CNTNAP2: variants seen among roughly 807,000 people sequenced by gnomAD.
CNTNAP2 encodes contactin-associated protein-like 2.
In CNTNAP2, 98 loss-of-function variants were observed where a neutral mutation model predicts 155.2. The ratio of observed to expected loss-of-function variants is 0.63; its 90% CI spans 0.54 to 0.75. CNTNAP2 has a LOEUF of 0.75. CNTNAP2 is among the 30% of genes least tolerant of loss of function. The pLI, the probability that CNTNAP2 is intolerant of heterozygous loss-of-function variation, is 0.00. For synonymous variants in CNTNAP2, 651 were observed against 631.2 expected (o/e 1.03, Z -0.47); for missense variants, 1,727 against 1,688.1 (o/e 1.02, Z -0.40).
chr7:148,355,293 TG>T (rs1798494382), intron 21 of CNTNAP2, among the ~76,000 whole-genome samples: 1 of 147,170 alleles, frequency 6.8e-6, no homozygotes, highest in African/African-American at 2.5e-5. Flanking sequence ...GCCATTCTCC[TG>T]CCTCAGCCTC....
At chr7:146,443,246 AAAT>A (rs1320024238) in intron 1 of CNTNAP2, among the ~76,000 whole-genome samples, 2 of 150,754 alleles carry the variant, frequency 1.3e-5, no homozygotes, top group Admixed American at 1.3e-4. Flanking sequence ...ATAAATAAAT[AAAT>A]AAATAAATAG....
intron 3 of CNTNAP2, among the ~76,000 whole-genome samples, chr7:146,906,343 G>C (rs1369397681): frequency 1.3e-5 from 2 of 152,056 alleles, no homozygotes; most frequent in African/African-American, 4.8e-5. Flanking sequence ...TCCACCTCTG[G>C]GGGCAGGGCA....
chr7:146,616,145 G>C (rs1799220151), intron 1 of CNTNAP2, among the ~76,000 whole-genome samples: 1 of 152,070 alleles, frequency 6.6e-6, no homozygotes, highest in South Asian at 2.1e-4. Context: ...AATAAGAGGG[G>C]ATGAGAGAGA....
At chr7:146,289,721 A>T (rs1255215995) in intron 1 of CNTNAP2, among the ~76,000 whole-genome samples, 5 of 152,326 alleles carry the variant, frequency 3.3e-5, no homozygotes, top group African/African-American at 1.2e-4. Context: ...AGAAAATTTC[A>T]CACACACAAT....
chr7:146,955,458 A>G (rs1470476218), intron 3 of CNTNAP2, among the ~76,000 whole-genome samples: 1 of 152,020 alleles, frequency 6.6e-6, no homozygotes, highest in Non-Finnish European at 1.5e-5. Context: ...ACTAGAAACA[A>G]AAATCTTTTC....
intron 1 of CNTNAP2, among the ~76,000 whole-genome samples, chr7:146,618,681 C>A (rs1451363638): frequency 6.6e-6 from 1 of 152,096 alleles, no homozygotes; most frequent in Non-Finnish European, 1.5e-5. Context: ...ATATATTTGA[C>A]TTTAATCTTG....
chr7:148,307,093 A>T (rs1310896124), intron 21 of CNTNAP2, among the ~76,000 whole-genome samples: 3 of 152,182 alleles, frequency 2.0e-5, no homozygotes, highest in Non-Finnish European at 2.9e-5. Context: ...CTCACAGCTA[A>T]GAAGGAAGAG....
At chr7:146,225,645 T>C (rs1423915625) in intron 1 of CNTNAP2, among the ~76,000 whole-genome samples, 5 of 152,202 alleles carry the variant, frequency 3.3e-5, no homozygotes, top group Non-Finnish European at 7.3e-5. Flanking sequence ...TGGTTCAGGC[T>C]TTGACGCTGA....
At chr7:146,565,026 A>T (rs1233527282) in intron 1 of CNTNAP2, among the ~76,000 whole-genome samples, 1 of 152,056 alleles carries the variant, frequency 6.6e-6, no homozygotes, top group Non-Finnish European at 1.5e-5. Flanking sequence ...CTCCTACTAT[A>T]ATATTTCAGT....
intron 1 of CNTNAP2, among the ~76,000 whole-genome samples, chr7:146,502,224 A>AATATATATATAT (rs59759183): frequency 8.4e-4 from 80 of 94,772 alleles, no homozygotes; most frequent in East Asian, 1.5e-3. Context: ...TATATATATG[A>AATATATATATAT]ATATATATAT....
At chr7:147,891,378 T>C (rs1334965450) in intron 13 of CNTNAP2, among the ~76,000 whole-genome samples, 2 of 152,124 alleles carry the variant, frequency 1.3e-5, no homozygotes, top group Non-Finnish European at 2.9e-5. Context: ...CTAATTTTTG[T>C]ATTTTTAGTA....
chr7:147,607,780 C>T (rs1455045855), intron 12 of CNTNAP2, among the ~76,000 whole-genome samples: 1 of 152,120 alleles, frequency 6.6e-6, no homozygotes, highest in Non-Finnish European at 1.5e-5. Flanking sequence ...TCAGGTTAGC[C>T]TGGTACAACT....
chr7:147,263,235 G>GTA (rs1452535102), intron 8 of CNTNAP2, among the ~76,000 whole-genome samples: 2 of 151,904 alleles, frequency 1.3e-5, no homozygotes, highest in Non-Finnish European at 2.9e-5. Context: ...ACATGCCTGT[G>GTA]GTCCCAGCTA....
rs139368361 is a variant in CNTNAP2 at position 146,438,830 on chromosome 7, A to G, written c.97+321857A>G. On this transcript the variant is annotated intron_variant, in intron 1 of 23. Coordinates refer to ENST00000361727, the MANE Select transcript of CNTNAP2 (RefSeq NM_014141.6). ...ACATTTAGAGTGGACACCAGGGAAT[A>G]CTGGAAAAATAGGGATTCATTTTGC... 3.1e-3 allele frequency among the ~76,000 whole-genome samples: 477 copies of G among 151,650 alleles called. 23 individuals are homozygous for G. The highest frequency in any genetic ancestry group is 0.011 in the African/African-American group (442 of 40,962).
intron 1 of CNTNAP2, among the ~76,000 whole-genome samples, chr7:146,692,062 T>G (rs965641401): frequency 6.6e-6 from 1 of 152,118 alleles, no homozygotes; most frequent in Non-Finnish European, 1.5e-5. Context: ...ACAGTCTAAC[T>G]AGCAAAAAAG....
At chr7:148,052,042 G>A (rs372145754) in intron 15 of CNTNAP2, among the ~76,000 whole-genome samples, 36 of 152,104 alleles carry the variant, frequency 2.4e-4, no homozygotes, top group African/African-American at 8.7e-4. Context: ...GGGAGGCTGA[G>A]GCAGGAGAAT....
At chr7:146,980,238 CA>C (rs1057279694) in intron 3 of CNTNAP2, among the ~76,000 whole-genome samples, 1 of 151,952 alleles carries the variant, frequency 6.6e-6, no homozygotes, top group African/African-American at 2.4e-5. Context: ...GTAAAGAAAC[CA>C]AAAGGCAAAA....
At chr7:146,955,327 G>C (rs1797410305) in intron 3 of CNTNAP2, among the ~76,000 whole-genome samples, 1 of 151,902 alleles carries the variant, frequency 6.6e-6, no homozygotes, top group African/African-American at 2.4e-5. Flanking sequence ...CCTGTAGTTG[G>C]AAGATTTTTC....
At chr7:147,407,193 G>A (rs556100494) in intron 10 of CNTNAP2, among the ~76,000 whole-genome samples, 3 of 152,138 alleles carry the variant, frequency 2.0e-5, no homozygotes, top group Admixed American at 6.5e-5. Context: ...ATAAGGCCGG[G>A]TGCAGTGGCT....
Sources: allele counts gnomAD v4.1 joint callset (sites outside exome capture counted in the v4.1 genomes callset), GRCh38; gene constraint gnomAD v4.1.1; transcripts MANE v1.5; gene names NCBI Gene and HGNC (gene_info 2026-07-23, HGNC 2026-07-21).